The following NRG1 variants were observed in gnomAD, a reference collection of about 807,000 sequenced individuals.
NRG1 encodes the protein pro-neuregulin-1, membrane-bound isoform.
NRG1 carries 18 observed loss-of-function variants against 63.8 expected under a neutral mutation model. That is an observed-to-expected ratio of 0.28 (90% CI 0.19 to 0.42). NRG1 has a LOEUF of 0.42. Ranked by LOEUF, NRG1 falls within the 10% of genes least tolerant of loss-of-function variation. NRG1 has a pLI of 1.00. For missense variants in NRG1, 762 were observed against 814.7 expected (o/e 0.94, Z 0.79); for synonymous variants, 302 against 301.3 (o/e 1.00, Z -0.02).
At chr8:31,852,383 G>T (rs1476075652) in intron 1 of NRG1, among the ~76,000 whole-genome samples, 1 of 151,874 alleles carries the variant, frequency 6.6e-6, no homozygotes, top group Non-Finnish European at 1.5e-5. Context: ...TTTTTCATGT[G>T]TTTTTTGGCT....
At chr8:32,764,276 T>G in exon 12 of NRG1, 1 of 1,614,090 alleles carries the variant, frequency 6.2e-7, no homozygotes, top group Non-Finnish European at 8.5e-7. Flanking sequence ...CAGCCAGTCT[T>G]GAGGCAACAC....
At chr8:32,605,763 G>C in intron 3 of NRG1, 80 bp downstream of exon 3, 1 of 1,472,082 alleles carries the variant, frequency 6.8e-7, no homozygotes, top group Non-Finnish European at 9.3e-7. Flanking sequence ...ATAATAGACT[G>C]GTGTGTTAAA....
chr8:31,768,411 G>A lies in NRG1; in HGVS notation c.37+128980G>A, dbSNP rs113913513. 1.6e-3 allele frequency among the ~76,000 whole-genome samples: 242 copies of A among 152,276 alleles called. 1 individual carries two copies. The highest frequency in any genetic ancestry group is 5.6e-3 in the African/African-American group (231 of 41,560). The stretch of plus-strand genomic sequence containing the variant: ...TAGAAAAATATCCACCTTATCTTGA[G>A]TTGCTGTGGTAATCAGCTGAATTAG... On this transcript the variant is annotated intron_variant, in intron 1 of 10. Coordinates refer to the NRG1 transcript ENST00000519301.
intron 1 of NRG1, among the ~76,000 whole-genome samples, chr8:32,365,864 C>A (rs1381023694): frequency 1.3e-5 from 2 of 152,278 alleles, no homozygotes; most frequent in Non-Finnish European, 2.9e-5. Context: ...ATAATTTTCC[C>A]CATTGATATG....
At chr8:31,968,471 AATT>A (rs1806737669) in intron 1 of NRG1, among the ~76,000 whole-genome samples, 1 of 152,186 alleles carries the variant, frequency 6.6e-6, no homozygotes, top group African/African-American at 2.4e-5. Flanking sequence ...TTTATTACAT[AATT>A]ATTATTAGAA....
At chr8:32,213,061 T>C (rs1226063784) in intron 1 of NRG1, among the ~76,000 whole-genome samples, 1 of 152,216 alleles carries the variant, frequency 6.6e-6, no homozygotes, top group Non-Finnish European at 1.5e-5. Context: ...TCTTGTATGG[T>C]GATTGGCTAT....
At chr8:32,771,595 T>G (rs1831793469), downstream of NRG1, among the ~76,000 whole-genome samples, 1 of 150,144 alleles carries the variant, frequency 6.7e-6, no homozygotes, top group African/African-American at 2.4e-5. Flanking sequence ...TAATACTACC[T>G]CCAAACATCA....
intron 1 of NRG1, among the ~76,000 whole-genome samples, chr8:32,592,018 C>T (rs961721923): frequency 5.3e-5 from 8 of 151,158 alleles, no homozygotes; most frequent in East Asian, 1.9e-4. Flanking sequence ...TACACACGTG[C>T]GTATTTAATG....
intron 1 of NRG1, among the ~76,000 whole-genome samples, chr8:32,060,493 AT>A (rs370749697): frequency 2.0e-5 from 3 of 151,862 alleles, no homozygotes; most frequent in Non-Finnish European, 4.4e-5. Context: ...AATTAGTTCA[AT>A]TTTTTTAGAG....
chr8:32,565,540 T>C (rs1462160643), intron 1 of NRG1, among the ~76,000 whole-genome samples: 1 of 152,160 alleles, frequency 6.6e-6, no homozygotes, highest in African/African-American at 2.4e-5. Flanking sequence ...GAAGTTATCT[T>C]CCCCTTCACT....
At chr8:32,033,887 T>C (rs1818645143) in intron 1 of NRG1, among the ~76,000 whole-genome samples, 1 of 152,314 alleles carries the variant, frequency 6.6e-6, no homozygotes, top group South Asian at 2.1e-4. Context: ...GGTCATGTCA[T>C]CTACAGACAA....
intron 6 of NRG1, among the ~76,000 whole-genome samples, chr8:32,739,692 A>G (rs1192281182): frequency 6.6e-6 from 1 of 152,064 alleles, no homozygotes; most frequent in Non-Finnish European, 1.5e-5. Flanking sequence ...CCTAATGACA[A>G]TTTCCTTATA....
chr8:31,829,864 G>A lies in NRG1; in HGVS notation c.37+190433G>A, dbSNP rs571132851. Among the ~76,000 whole-genome samples the A allele has an allele frequency of 7.9e-5, 12 of 152,326 alleles. No individual in the cohort carries two copies. In the South Asian group the frequency reaches 2.5e-3, roughly 32 times the overall value. On this transcript the variant is annotated intron_variant, in intron 1 of 10. Coordinates refer to the NRG1 transcript ENST00000519301. ...AGCCAGCTGAGCAGTGCGAGTTGGT[G>A]TGATTCAGCCATTTGTCACCACCAT...
rs776168148 is a variant in NRG1, at chr8:32,091,102, A to AC, written c.37+451673dup. Among the ~76,000 whole-genome samples, 70 of 152,052 alleles carry AC rather than the reference A, an allele frequency of 4.6e-4. No homozygotes were observed. The East Asian group carries it at 9.7e-3, about 21-fold the overall frequency. ...AGACCATCCTGGCTAACACGGTGAA[A>AC]CCTGTCTCTACTAAAAATACAAAAA... On this transcript the variant is annotated intron_variant, in intron 1 of 10. Coordinates refer to the NRG1 transcript ENST00000519301.
chr8:32,676,910 G>C (rs566627950), intron 5 of NRG1, among the ~76,000 whole-genome samples: 1 of 152,226 alleles, frequency 6.6e-6, no homozygotes, highest in African/African-American at 2.4e-5. Context: ...TTCAAGTGGG[G>C]ATGGTTAAGT....
intron 1 of NRG1, among the ~76,000 whole-genome samples, chr8:32,002,644 T>C (rs770293682): frequency 2.0e-5 from 3 of 152,068 alleles, no homozygotes; most frequent in African/African-American, 4.8e-5. Flanking sequence ...CTCTTTTAAT[T>C]GGGGAACAGA....
chr8:32,412,423 CATATATATATATAT>C (rs1178545836), intron 1 of NRG1, among the ~76,000 whole-genome samples: 1 of 93,022 alleles, frequency 1.1e-5, no homozygotes, highest in Non-Finnish European at 2.1e-5. Context: ...TCTCTCTCTA[CATATATATATATAT>C]ATATATATAT....
At chr8:32,440,559 T>C (rs1338847122) in intron 1 of NRG1, among the ~76,000 whole-genome samples, 1 of 152,210 alleles carries the variant, frequency 6.6e-6, no homozygotes, top group Non-Finnish European at 1.5e-5. Flanking sequence ...CATCATGCTA[T>C]ATACTACAGA....
At chr8:32,182,988 A>T (rs1426746269) in intron 1 of NRG1, among the ~76,000 whole-genome samples, 1 of 152,198 alleles carries the variant, frequency 6.6e-6, no homozygotes, top group Non-Finnish European at 1.5e-5. Flanking sequence ...GTGAGGATAA[A>T]TGAGGTCATA....
Sources: allele counts gnomAD v4.1 joint callset (sites outside exome capture counted in the v4.1 genomes callset), GRCh38; gene constraint gnomAD v4.1.1; transcripts MANE v1.5; gene names NCBI Gene and HGNC (gene_info 2026-07-23, HGNC 2026-07-21).